Variants in TCERG1L observed in about 807,000 individuals in gnomAD.
TCERG1L encodes the protein transcription elongation regulator 1 like.
A neutral mutation model predicts 56.3 loss-of-function variants in TCERG1L; 37 were observed. The ratio of observed to expected loss-of-function variants is 0.66; its 90% CI spans 0.51 to 0.87. The LOEUF is 0.87. TCERG1L is among the 40% of genes least tolerant of loss of function. The pLI is 0.00. For missense variants in TCERG1L, 799 were observed against 774.2 expected, an observed-to-expected ratio of 1.03 and a Z score of -0.38; for synonymous variants, 324 against 326.3, an observed-to-expected ratio of 0.99 and a Z score of 0.08.
intron 3 of TCERG1L, among the ~76,000 whole-genome samples, chr10:131,276,155 G>A (rs1346596539): frequency 6.6e-6 from 1 of 152,222 alleles, no homozygotes; most frequent in Non-Finnish European, 1.5e-5. Flanking sequence ...AGGGTCCACA[G>A]CTTCCTCAAC....
At position 131,103,851 on chromosome 10, in the gene TCERG1L, C is replaced by A. The variant is rs1845326104; in HGVS notation, c.1485+414G>T. Among the ~76,000 whole-genome samples the A allele has an allele frequency of 6.6e-6, 1 of 152,076 alleles. No homozygotes were observed. The highest frequency in any genetic ancestry group is 2.4e-5 in the African/African-American group (1 of 41,396). On this transcript the variant is annotated intron_variant, in intron 10 of 11. Coordinates refer to ENST00000368642, the MANE Select transcript of TCERG1L (RefSeq NM_174937.4). This position sits in a 1 kb window ranked among gnomAD's most constrained non-coding sequence, Gnocchi z 4.3. ...GTTAGGGGTTTCTTAACATTAGTGA[C>A]TTCATTTTGATTCTGACAACTTTCA... is the stretch of plus-strand genomic sequence containing the variant.
chr10:131,183,783 T>G (rs1845206884), intron 4 of TCERG1L, among the ~76,000 whole-genome samples: 1 of 152,218 alleles, frequency 6.6e-6, no homozygotes, highest in Non-Finnish European at 1.5e-5. Context: ...TGTCTCCTAC[T>G]CTGTGCATTG....
chr10:131,151,966 T>C (rs907367746), intron 6 of TCERG1L, among the ~76,000 whole-genome samples: 2 of 152,220 alleles, frequency 1.3e-5, no homozygotes, highest in African/African-American at 4.8e-5. Flanking sequence ...CTTTTAGCCA[T>C]GGCTGATGCT....
rs532144596 is a variant in TCERG1L at position 131,100,058 on chromosome 10, G to A, written c.1486-1634C>T. ...TTTTTTGTACTTTTAGTAGAGACAG[G>A]GTTTCACCATGTTGGCCAGCCTGGT... On this transcript the variant is annotated intron_variant, in intron 10 of 11. Coordinates refer to ENST00000368642, the MANE Select transcript of TCERG1L (RefSeq NM_174937.4). 1.1e-4 allele frequency among the ~76,000 whole-genome samples: 16 copies of A among 152,010 alleles called. 1 individual carries two copies. The South Asian group carries it at 3.1e-3, about 30-fold the overall frequency.
At chr10:131,170,211 GC>G (rs1338017114) in intron 4 of TCERG1L, among the ~76,000 whole-genome samples, 2 of 152,140 alleles carry the variant, frequency 1.3e-5, no homozygotes, top group African/African-American at 4.8e-5. Context: ...CTGCGTGTCA[GC>G]CATTCCACCG....
intron 3 of TCERG1L, among the ~76,000 whole-genome samples, chr10:131,300,201 T>C (rs1017332761): frequency 5.9e-5 from 9 of 152,194 alleles, no homozygotes; most frequent in African/African-American, 2.2e-4. Context: ...TCATCTAGTT[T>C]TCAATTTCAG....
chr10:131,297,211 T>C (rs1034412118), intron 3 of TCERG1L, among the ~76,000 whole-genome samples: 5 of 152,220 alleles, frequency 3.3e-5, no homozygotes, highest in African/African-American at 1.2e-4. Flanking sequence ...ATGTCCTTTG[T>C]CAGTTTGCGG....
intron 3 of TCERG1L, among the ~76,000 whole-genome samples, chr10:131,261,176 A>G (rs144536795): frequency 1.3e-5 from 2 of 152,312 alleles, no homozygotes; most frequent in Non-Finnish European, 2.9e-5. Flanking sequence ...GACGCATCTG[A>G]AAGTTTGCTT....
chr10:131,271,128 G>A (rs1041033253), intron 3 of TCERG1L, among the ~76,000 whole-genome samples: 1 of 152,160 alleles, frequency 6.6e-6, no homozygotes, highest in Non-Finnish European at 1.5e-5. Context: ...CAGACCAGCT[G>A]TTGAGATGCT....
intron 3 of TCERG1L, among the ~76,000 whole-genome samples, chr10:131,292,627 G>A (rs951690642): frequency 2.0e-5 from 3 of 152,204 alleles, no homozygotes; most frequent in Non-Finnish European, 4.4e-5. Flanking sequence ...GAGTCTGGGA[G>A]ATTTTACCAC....
chr10:131,229,488 G>C (rs1845826939), intron 4 of TCERG1L, among the ~76,000 whole-genome samples: 1 of 152,164 alleles, frequency 6.6e-6, no homozygotes, highest in Admixed American at 6.5e-5. Context: ...TCAGCTCCTG[G>C]CAACAGGCTG....
chr10:131,094,415 A>G (rs1324285357), intron 11 of TCERG1L, among the ~76,000 whole-genome samples: 2 of 152,230 alleles, frequency 1.3e-5, no homozygotes, highest in Admixed American at 1.3e-4. Context: ...TTAAATTATT[A>G]TAACTTAATA....
chr10:131,207,327 C>T lies in TCERG1L; in HGVS notation c.857-40442G>A, dbSNP rs573360657. The stretch of plus-strand genomic sequence containing the variant: ...CCAGCATGAGTGTCACCTGGTTTCA[C>T]GCGCAGGCCTGGTGGACAGGCGTCT... On this transcript the variant is annotated intron_variant, in intron 4 of 11. Coordinates refer to ENST00000368642, the MANE Select transcript of TCERG1L (RefSeq NM_174937.4). Among the ~76,000 whole-genome samples the T allele has an allele frequency of 9.8e-5, 15 of 152,324 alleles. No individual in the cohort carries two copies. The East Asian group carries it at 1.4e-3, about 14-fold the overall frequency.
rs11017836 is a variant in TCERG1L at position 131,245,536 on chromosome 10, G to A, written c.856+14723C>T. ...CATTTCCACCCAAAACGAGGGGGCG[G>A]CTCTCCGGGGGCAGCGACAGGAAAT... On this transcript the variant is annotated intron_variant, in intron 4 of 11. Coordinates refer to ENST00000368642, the MANE Select transcript of TCERG1L (RefSeq NM_174937.4). Among the ~76,000 whole-genome samples the A allele has an allele frequency of 8.1e-4, 124 of 152,274 alleles. 2 individuals are homozygous for A. In the East Asian group the frequency reaches 0.022, roughly 27 times the overall value.
rs543405432 is a variant in TCERG1L, at chr10:131,282,137, GAAAAAAA to G, written c.671-21700_671-21694del. ...GGCGAAAGAGCAAGACTCCATCTCA[GAAAAAAA>G]AAAAAAAAAAAAAAAAAGAAAACCC... On this transcript the variant is annotated intron_variant, in intron 3 of 11. Transcript: ENST00000368642. 4.4e-3 allele frequency among the ~76,000 whole-genome samples: 404 copies of G among 92,546 alleles called. 2 individuals carry two copies. Among genetic ancestry groups the G allele is most frequent in the South Asian group, 0.02 (52 of 2,654 alleles). The allele number at this position is 92,546 out of a possible 152,430, so 60.7% of individuals were successfully genotyped here.
chr10:131,268,598 G>A (rs910598093), intron 3 of TCERG1L, among the ~76,000 whole-genome samples: 2 of 152,152 alleles, frequency 1.3e-5, no homozygotes, highest in African/African-American at 4.8e-5. Flanking sequence ...TGTTTCATCT[G>A]CATTGCAAAT....
At chr10:131,217,572 T>C (rs1239281761) in intron 4 of TCERG1L, among the ~76,000 whole-genome samples, 2 of 152,062 alleles carry the variant, frequency 1.3e-5, no homozygotes, top group Non-Finnish European at 2.9e-5. Flanking sequence ...CTCATCCAGC[T>C]ACCCTGCCTG....
At chr10:131,197,307 G>A (rs1422530501) in intron 4 of TCERG1L, among the ~76,000 whole-genome samples, 2 of 151,596 alleles carry the variant, frequency 1.3e-5, no homozygotes, top group East Asian at 1.9e-4. Context: ...TCAGCCTCCC[G>A]AGTAGCTGGG....
chr10:131,293,095 C>T (rs1234907943), intron 3 of TCERG1L, among the ~76,000 whole-genome samples: 4 of 152,188 alleles, frequency 2.6e-5, no homozygotes, highest in Admixed American at 1.3e-4. Context: ...AAGTGATCTG[C>T]TTGCCTCGGC....
Sources: allele counts gnomAD v4.1 joint callset (sites outside exome capture counted in the v4.1 genomes callset), GRCh38; gene constraint gnomAD v4.1.1; non-coding constraint Gnocchi (gnomAD v3.1); transcripts MANE v1.5; gene names NCBI Gene and HGNC (gene_info 2026-07-23, HGNC 2026-07-21).